DISC1: variants seen among roughly 807,000 people sequenced by gnomAD.
DISC1 encodes DISC1 scaffold protein, also known as disrupted in schizophrenia 1 protein.
DISC1 carries 57 observed loss-of-function variants against 84.5 expected under a neutral mutation model. The observed-to-expected ratio is 0.67, with a 90% CI of 0.55 to 0.84. DISC1 has a LOEUF of 0.84. Ranked by LOEUF, DISC1 falls within the 40% of genes least tolerant of loss-of-function variation. The pLI, the probability that DISC1 is intolerant of heterozygous loss-of-function variation, is 0.00. For synonymous variants in DISC1, 411 were observed against 415.2 expected (o/e 0.99, Z 0.12); for missense variants, 1,000 against 1,057.8 (o/e 0.95, Z 0.76).
rs139005164 is a variant in DISC1 at position 231,934,620 on chromosome 1, G to A, written c.1982-24208G>A. ...CCTTTGTAGTTGTAAGATATGTAAC[G>A]TATATATTGTTACCTAGTTGGATGA... On this transcript the variant is annotated intron_variant, in intron 9 of 12. Transcript: ENST00000439617. Among the ~76,000 whole-genome samples, 573 of 152,256 alleles carry A rather than the reference G, an allele frequency of 3.8e-3. 8 individuals are homozygous for A. The highest frequency in any genetic ancestry group is 0.013 in the African/African-American group (555 of 41,544).
chr1:231,964,961 A>G (rs199780203), intron 10 of DISC1, among the ~76,000 whole-genome samples: 55 of 152,210 alleles, frequency 3.6e-4, no homozygotes, highest in Non-Finnish European at 2.9e-4. Context: ...TAAAGATCAG[A>G]GCTAAGAAAC....
At chr1:231,670,444 G>A (rs1439123162) in intron 1 of DISC1, among the ~76,000 whole-genome samples, 2 of 152,252 alleles carry the variant, frequency 1.3e-5, no homozygotes, top group African/African-American at 4.8e-5. Flanking sequence ...AAAAGTCTGT[G>A]AGAGTGCCTT....
intron 10 of DISC1, among the ~76,000 whole-genome samples, chr1:231,981,092 C>A (rs939026884): frequency 6.6e-6 from 1 of 152,162 alleles, no homozygotes; most frequent in Non-Finnish European, 1.5e-5. Flanking sequence ...CACAAGCACA[C>A]ACCACCATGT....
At chr1:231,816,936 C>A (rs963581014) in intron 8 of DISC1, among the ~76,000 whole-genome samples, 8 of 151,834 alleles carry the variant, frequency 5.3e-5, no homozygotes, top group African/African-American at 1.9e-4. Flanking sequence ...TCCCTCCCTC[C>A]CTCTTTCACC....
chr1:231,746,543 C>A (rs985669322), intron 3 of DISC1, among the ~76,000 whole-genome samples: 2 of 152,190 alleles, frequency 1.3e-5, no homozygotes, highest in African/African-American at 4.8e-5. Flanking sequence ...TCCATTGTGG[C>A]TGTACTGGTT....
At position 232,040,957 on chromosome 1, in the gene DISC1, T is replaced by C. The variant is rs1385938535; in HGVS notation, c.*4126T>C. On this transcript the variant is annotated 3_prime_UTR_variant, in exon 13 of 13. Coordinates refer to ENST00000439617, the MANE Select transcript of DISC1 (RefSeq NM_018662.3). The stretch of plus-strand genomic sequence containing the variant: ...TGTTCCAATATTATGAATTCTGTGT[T>C]GTGGAGAAAAGCAACCATGCATTTA... The C allele has an allele frequency of 6.6e-6, 1 of 152,222 alleles. No homozygotes were observed. The highest frequency in any genetic ancestry group is 1.9e-4 in the East Asian group (1 of 5,206). 9.4% of individuals were successfully genotyped at this position (152,222 alleles called of 1,614,324 possible). A position where few individuals can be genotyped will look rare whatever the true frequency, so the allele number is the denominator to read the frequency against.
intron 3 of DISC1, among the ~76,000 whole-genome samples, chr1:231,715,327 T>G (rs2068543061): frequency 6.6e-6 from 1 of 152,176 alleles, no homozygotes; most frequent in Non-Finnish European, 1.5e-5. Context: ...AATTTAAAAA[T>G]GAGGGATGTT....
At chr1:231,844,820 G>C (rs889050459) in intron 9 of DISC1, among the ~76,000 whole-genome samples, 2 of 151,588 alleles carry the variant, frequency 1.3e-5, no homozygotes, top group Non-Finnish European at 2.9e-5. Flanking sequence ...CCAGCTACTC[G>C]GGAGGCTGAG....
chr1:231,638,645 T>G (rs6659693), intron 1 of DISC1, among the ~76,000 whole-genome samples: 1 of 152,204 alleles, frequency 6.6e-6, no homozygotes, highest in African/African-American at 2.4e-5. Context: ...CAAAGATCAG[T>G]TGGTTGTAAA....
chr1:231,770,506 TC>T (rs1028423833), intron 5 of DISC1, among the ~76,000 whole-genome samples: 2 of 152,176 alleles, frequency 1.3e-5, no homozygotes, highest in Non-Finnish European at 2.9e-5. Flanking sequence ...TGCATGAGGC[TC>T]CCTGCCCTGT....
At chr1:231,632,366 T>A (rs2058785587) in intron 1 of DISC1, among the ~76,000 whole-genome samples, 1 of 152,190 alleles carries the variant, frequency 6.6e-6, no homozygotes, top group Non-Finnish European at 1.5e-5. Context: ...CATAAAAAAA[T>A]GTGGATAAAA....
Position 232,038,355 on chromosome 1 carries a change from G to C in DISC1, c.*1524G>C, listed in dbSNP as rs1028319250. On this transcript the variant is annotated 3_prime_UTR_variant, in exon 13 of 13. Transcript: ENST00000439617. ...CTGCAAAACAGGCTGATTTCAATTA[G>C]GCAGCACTTCCCAAAGTGCACTGAG... 14 of 152,286 alleles carry C rather than the reference G, an allele frequency of 9.2e-5. No individual in the cohort carries two copies. Among genetic ancestry groups the C allele is most frequent in the African/African-American group, 3.4e-4 (14 of 41,560 alleles). 9.4% of individuals were successfully genotyped at this position (152,286 alleles called of 1,614,324 possible).
intron 3 of DISC1, among the ~76,000 whole-genome samples, chr1:231,717,154 G>C (rs2068854955): frequency 6.6e-6 from 1 of 152,086 alleles, no homozygotes. Flanking sequence ...CTGCTCTAGA[G>C]GTCCTGTCTT....
At chr1:231,964,219 G>C (rs992176737) in intron 10 of DISC1, among the ~76,000 whole-genome samples, 17 of 152,144 alleles carry the variant, frequency 1.1e-4, no homozygotes, top group African/African-American at 4.1e-4. Context: ...CAATAAACAT[G>C]TATTGAATGA....
intron 8 of DISC1, among the ~76,000 whole-genome samples, chr1:231,814,696 T>C (rs187620977): frequency 3.9e-5 from 6 of 152,188 alleles, no homozygotes; most frequent in African/African-American, 1.4e-4. Flanking sequence ...TGCTAACACC[T>C]TTCTTCAAGT....
At position 232,001,962 on chromosome 1, in the gene DISC1, G is replaced by A. The variant is rs565752139; in HGVS notation, c.2043-6823G>A. Among the ~76,000 whole-genome samples, 10 of 152,254 alleles carry A rather than the reference G, an allele frequency of 6.6e-5. No individual in the cohort carries two copies. The East Asian group carries it at 1.7e-3, about 26-fold the overall frequency. ...GATGAAAAGACAAACTAGTGACTGGGAGACATGTTTGTAACCATATATATC... is the reference window on the plus strand; with the variant it reads ...GATGAAAAGACAAACTAGTGACTGGAAGACATGTTTGTAACCATATATATC... On this transcript the variant is annotated intron_variant, in intron 10 of 12. Coordinates refer to ENST00000439617, the MANE Select transcript of DISC1 (RefSeq NM_018662.3).
intron 9 of DISC1, among the ~76,000 whole-genome samples, chr1:231,914,677 C>T (rs148628939): frequency 1.1e-4 from 17 of 152,282 alleles, no homozygotes; most frequent in South Asian, 1.0e-3. Flanking sequence ...TACAGGGACA[C>T]GAGCAAATGC....
chr1:231,837,362 C>T (rs2082700465), intron 9 of DISC1, among the ~76,000 whole-genome samples: 1 of 151,920 alleles, frequency 6.6e-6, no homozygotes. Context: ...ATTTTTTATC[C>T]CAAAGTGTAG....
At chr1:231,794,705 G>T (rs1027927690) in intron 6 of DISC1, among the ~76,000 whole-genome samples, 3 of 152,076 alleles carry the variant, frequency 2.0e-5, no homozygotes, top group African/African-American at 7.3e-5. Flanking sequence ...ATGTCAAGAT[G>T]AAAAGTGCTA....
Sources: allele counts gnomAD v4.1 joint callset (sites outside exome capture counted in the v4.1 genomes callset), GRCh38; gene constraint gnomAD v4.1.1; transcripts MANE v1.5; gene names NCBI Gene and HGNC (gene_info 2026-07-23, HGNC 2026-07-21).